Variants in TEAD2 observed in about 807,000 individuals in gnomAD.
The protein encoded by TEAD2 is transcriptional enhancer factor TEF-4.
Under a neutral mutation model 61.4 loss-of-function variants are expected in TEAD2, and 51 were observed. That is an observed-to-expected ratio of 0.83 (90% CI 0.66 to 1.05). TEAD2 has a LOEUF of 1.05. Ranked by LOEUF, TEAD2 falls within the 50% of genes least tolerant of loss-of-function variation. The pLI is 0.00. For missense variants in TEAD2, 509 were observed against 600.0 expected (o/e 0.85, Z 1.58); for synonymous variants, 244 against 243.2 (o/e 1.00, Z -0.03).
intron 8 of TEAD2, among the ~76,000 whole-genome samples, chr19:49,350,144 G>T (rs977993893): frequency 1.3e-5 from 2 of 152,112 alleles, no homozygotes; most frequent in African/African-American, 4.8e-5. Flanking sequence ...AGCCATCTTT[G>T]CTGCCAAGTA....
chr19:49,358,636 C>CTTTT (rs113776627), intron 3 of TEAD2, among the ~76,000 whole-genome samples: 1 of 141,058 alleles, frequency 7.1e-6, no homozygotes, highest in Non-Finnish European at 1.6e-5. Flanking sequence ...TTCTTTCTTT[C>CTTTT]TTTTTTTTTT....
chr19:49,344,894 A>G (rs1971534761), intron 10 of TEAD2, among the ~76,000 whole-genome samples: 1 of 152,162 alleles, frequency 6.6e-6, no homozygotes, highest in African/African-American at 2.4e-5. Context: ...GGCCTAAGGA[A>G]GCCTAAGAGC....
At chr19:49,349,622 G>A (rs1812895265) in intron 8 of TEAD2, among the ~76,000 whole-genome samples, 2 of 152,088 alleles carry the variant, frequency 1.3e-5, no homozygotes, top group Admixed American at 1.3e-4. Flanking sequence ...CTGTTTAAAG[G>A]AGCCTGGCTT....
rs1417565878 is a variant in TEAD2 at position 49,348,767 on chromosome 19, C to A, written c.683G>T (p.Gly228Val). Reference sequence around the variant, plus strand: ...CTCTACCAGCTGCAACCGGGCGGTGCCCAGGCCCCGAGCCTGCCAGGCTGG... The same window carrying A: ...CTCTACCAGCTGCAACCGGGCGGTGACCAGGCCCCGAGCCTGCCAGGCTGG... ...SPPAWQARGL[G>V]TARLQLVEFS... Residue 228 changes from glycine (G) to valine (V), a missense_variant, in exon 9 of 13, where the codon GGC (glycine) becomes GTC (valine). Transcript: ENST00000593945. The A allele has an allele frequency of 2.5e-6, 4 of 1,613,650 alleles. No individual in the cohort carries two copies. The African/African-American group carries it at 5.3e-5, about 22-fold the overall frequency.
chr19:49,354,221 T>C lies in TEAD2; in HGVS notation c.539+927A>G, dbSNP rs189504523. On this transcript the variant is annotated intron_variant, in intron 7 of 12. Coordinates refer to ENST00000593945, the MANE Select transcript of TEAD2 (RefSeq NM_001256660.2). ...CTCTCTGGGCTGAGAAATACACCCCTAGCCCGCCACGGTGGCTCACGCCTG... is the reference window on the plus strand; with the variant it reads ...CTCTCTGGGCTGAGAAATACACCCCCAGCCCGCCACGGTGGCTCACGCCTG... 8.0e-3 allele frequency among the ~76,000 whole-genome samples: 1,186 copies of C among 148,148 alleles called. 18 individuals are homozygous for C. The highest frequency in any genetic ancestry group is 0.027 in the African/African-American group (1,096 of 40,798).
chr19:49,344,434 C>T (rs551059640), intron 10 of TEAD2, among the ~76,000 whole-genome samples: 7 of 152,208 alleles, frequency 4.6e-5, no homozygotes, highest in African/African-American at 7.2e-5. Flanking sequence ...GCGCACGCCA[C>T]CATGTCTGGC....
Position 49,341,934 on chromosome 19 carries a change from T to C in TEAD2, c.1243-497A>G, listed in dbSNP as rs920604377. Among the ~76,000 whole-genome samples the C allele has an allele frequency of 2.6e-5, 4 of 152,276 alleles. No individual in the cohort carries two copies. The highest frequency in any genetic ancestry group is 1.3e-4 in the Admixed American group (2 of 15,286). On this transcript the variant is annotated intron_variant, in intron 12 of 12. Coordinates refer to ENST00000593945, the MANE Select transcript of TEAD2 (RefSeq NM_001256660.2). The surrounding 1 kb of genome is among the most constrained non-coding windows in gnomAD (Gnocchi z 4.2). ...GGGGCTGGGCGTGGTGGCTCACACC[T>C]GTAATCCCAGCACTTTGGGAGGCCT...
chr19:49,356,896 C>G (rs943239925), intron 4 of TEAD2, among the ~76,000 whole-genome samples: 2 of 152,152 alleles, frequency 1.3e-5, no homozygotes, highest in African/African-American at 4.8e-5. Flanking sequence ...ACCCCCCGCC[C>G]TGACCACAGA....
rs1283795941 is a variant in TEAD2 at position 49,340,902 on chromosome 19, G to C, written c.*422C>G. On this transcript the variant is annotated 3_prime_UTR_variant, in exon 13 of 13. Coordinates refer to ENST00000593945, the MANE Select transcript of TEAD2 (RefSeq NM_001256660.2). Reference sequence around the variant, plus strand: ...GGTAGAGAGGGGCAGAAATTTCAGGGGGAGGGGTGGCTGGGAAAAAGTAAA... The same window carrying C: ...GGTAGAGAGGGGCAGAAATTTCAGGCGGAGGGGTGGCTGGGAAAAAGTAAA... The C allele has an allele frequency of 5.2e-6, 1 of 190,980 alleles. No homozygotes were observed. The highest frequency in any genetic ancestry group is 1.1e-5 in the Non-Finnish European group (1 of 91,372). 11.8% of individuals were successfully genotyped at this position (190,980 alleles called of 1,614,324 possible). A position where few individuals can be genotyped will look rare whatever the true frequency, so the allele number is the denominator to read the frequency against.
intron 12 of TEAD2, 132 bp downstream of exon 12, chr19:49,342,306 A>C (rs1971341637): frequency 8.2e-7 from 1 of 1,220,770 alleles, no homozygotes; most frequent in Non-Finnish European, 1.2e-6. Context: ...AAAGAGCCTC[A>C]GGCTGAGGGC....
intron 9 of TEAD2, 88 bp downstream of exon 9, chr19:49,348,615 A>G: frequency 8.1e-7 from 1 of 1,241,908 alleles, no homozygotes; most frequent in Non-Finnish European, 1.2e-6. Context: ...TACATGCTAA[A>G]GTTTTAAAAC....
At chr19:49,342,623 T>C (rs1180952859) in intron 11 of TEAD2, 33 bp from the exon 12 acceptor site, 2 of 1,599,336 alleles carry the variant, frequency 1.3e-6, no homozygotes, top group Admixed American at 1.7e-5. Context: ...GGGAAAATGG[T>C]GGCTGAGAGA....
chr19:49,342,706 C>T (rs1971381174), intron 11 of TEAD2, 116 bp from the exon 12 acceptor site: 11 of 1,324,396 alleles, frequency 8.3e-6, no homozygotes, highest in Non-Finnish European at 1.2e-5. Flanking sequence ...CTCACTGCCA[C>T]CTTCCTTTCA....
intron 9 of TEAD2, 76 bp downstream of exon 9, chr19:49,348,627 A>T: frequency 1.5e-6 from 2 of 1,342,688 alleles, no homozygotes; most frequent in Non-Finnish European, 2.1e-6. Flanking sequence ...TTTTAAAACC[A>T]TGACTTTATA....
At position 49,359,374 on chromosome 19, in the gene TEAD2, G is replaced by A. The variant is rs564328837; in HGVS notation, c.297+61C>T. 5.4e-5 allele frequency: 83 copies of A among 1,530,212 alleles called. No homozygotes were observed. In the East Asian group the frequency reaches 1.3e-3, roughly 24 times the overall value. The allele number at this position is 1,530,212 out of a possible 1,614,324, so 94.8% of individuals were successfully genotyped here. A position where few individuals can be genotyped will look rare whatever the true frequency, so the allele number is the denominator to read the frequency against. On this transcript the variant is annotated intron_variant, in intron 3 of 12. Transcript: ENST00000593945. The surrounding 1 kb of genome is among the most constrained non-coding windows in gnomAD (Gnocchi z 4.1). ...TCCTTGAACCTGAACCTGCCCATGC[G>A]AGGATGACCCTAAGAAGACCGGCCC... is the stretch of plus-strand genomic sequence containing the variant.
Position 49,359,619 on chromosome 19 carries a change from C to T in TEAD2, c.233-120G>A, listed in dbSNP as rs185800822. The T allele has an allele frequency of 4.0e-5, 49 of 1,225,142 alleles. No individual in the cohort carries two copies. The East Asian group carries it at 8.4e-4, about 21-fold the overall frequency. The allele number at this position is 1,225,142 out of a possible 1,614,324, so 75.9% of individuals were successfully genotyped here. On this transcript the variant is annotated intron_variant, in intron 2 of 12. Transcript: ENST00000593945. The surrounding 1 kb of genome is among the most constrained non-coding windows in gnomAD (Gnocchi z 4.1). ...CAAAGGTCTGCAGCAAGTGGGCTGC[C>T]GGTCCCCTCAGCTACGTGGAAGCCA... is the stretch of plus-strand genomic sequence containing the variant.
Position 49,342,425 on chromosome 19 carries a change from C to G in TEAD2, c.1242+13G>C. On this transcript the variant is annotated intron_variant, in intron 12 of 12. Coordinates refer to ENST00000593945, the MANE Select transcript of TEAD2 (RefSeq NM_001256660.2). ...ACTGGGGGGCCCCACTCCAGCCCAG[C>G]CCCAGGCATCACCTGGAGGATGGTG... 6.2e-7 allele frequency: 1 copy of G among 1,611,542 alleles called. No homozygotes were observed. The highest frequency in any genetic ancestry group is 8.5e-7 in the Non-Finnish European group (1 of 1,177,844).
rs1600693708 is a variant in TEAD2, at chr19:49,341,745, C to T, written c.1243-308G>A. Among the ~76,000 whole-genome samples, 1 of 152,132 alleles carries T rather than the reference C, an allele frequency of 6.6e-6. No individual in the cohort carries two copies. The highest frequency in any genetic ancestry group is 6.5e-5 in the Admixed American group (1 of 15,282). On this transcript the variant is annotated intron_variant, in intron 12 of 12. Coordinates refer to ENST00000593945, the MANE Select transcript of TEAD2 (RefSeq NM_001256660.2). This position sits in a 1 kb window ranked among gnomAD's most constrained non-coding sequence, Gnocchi z 4.2. ...TCATGTCACAAGTAAAGGGAGAACC[C>T]TCCCTGCAGGTTCCGCGGTCAAGGG...
In TEAD2 at chr19:49,343,393, G is replaced by A; in HGVS notation, c.927C>T (p.Asp309=). Residue 309 remains aspartate, a synonymous_variant, in exon 11 of 13, where the codon GAC becomes GAT. Transcript: ENST00000593945. ...HAFFLVKFWA[D]LNWGPSGEEA... ...CCTCACCACTTGGGCCCCAGTTCAGGTCCGCCTGGGAGATGGGAAGGCACA... is the reference window on the plus strand; with the variant it reads ...CCTCACCACTTGGGCCCCAGTTCAGATCCGCCTGGGAGATGGGAAGGCACA... The A allele has an allele frequency of 1.2e-6, 2 of 1,605,578 alleles. No individual in the cohort carries two copies. Among genetic ancestry groups the A allele is most frequent in the Non-Finnish European group, 1.7e-6 (2 of 1,177,116 alleles).
Sources: allele counts gnomAD v4.1 joint callset (sites outside exome capture counted in the v4.1 genomes callset), GRCh38; gene constraint gnomAD v4.1.1; non-coding constraint Gnocchi (gnomAD v3.1); transcripts MANE v1.5; gene names NCBI Gene and HGNC (gene_info 2026-07-23, HGNC 2026-07-21).